VSX2: variants seen among roughly 807,000 people sequenced by gnomAD.
The protein encoded by VSX2 is visual system homeobox 2.
VSX2 carries 28 observed loss-of-function variants against 32.1 expected under a neutral mutation model. The ratio of observed to expected loss-of-function variants is 0.87; its 90% CI spans 0.65 to 1.20. The LOEUF (loss-of-function observed/expected upper bound fraction) is 1.20. Ranked by LOEUF, VSX2 falls within the 50% of genes most tolerant of loss-of-function variation. VSX2 has a pLI of 0.00. For missense variants in VSX2, 506 were observed against 488.7 expected (o/e 1.04, Z -0.33); for synonymous variants, 243 against 214.1 (o/e 1.14, Z -1.18).
chr14:74,248,334 T>TAAAAAAAAAAA lies in VSX2; in HGVS notation c.579+3053_579+3063dup, dbSNP rs781035795. 1.4e-3 allele frequency among the ~76,000 whole-genome samples: 114 copies of TAAAAAAAAAAA among 84,210 alleles called. 2 individuals are homozygous for TAAAAAAAAAAA. The highest frequency in any genetic ancestry group is 8.3e-3 in the Middle Eastern group (1 of 120). The allele number at this position is 84,210 out of a possible 152,430, so 55.2% of individuals were successfully genotyped here. On this transcript the variant is annotated intron_variant, in intron 3 of 4. Transcript: ENST00000261980. The stretch of plus-strand genomic sequence containing the variant: ...TGAGCCCAGCAGTTTGAGACCAGGC[T>TAAAAAAAAAAA]AAAAAAAAAAAAAAAAACAAAAAAA...
Position 74,241,187 on chromosome 14 carries a change from G to C in VSX2, c.376G>C (p.Glu126Gln). ...DTSQTASSDSEDVSSSDRKMS... is the reference protein window; with the variant it reads ...DTSQTASSDSQDVSSSDRKMS... The stretch of plus-strand genomic sequence containing the variant: ...TCCCTACGCCCGCTTTTCAGATTCT[G>C]AAGATGTTTCCTCCAGCGATCGAAA... Residue 126 changes from glutamate to glutamine, a missense_variant, in exon 2 of 5, where the codon GAA (glutamate) becomes CAA (glutamine). Coordinates refer to ENST00000261980, the MANE Select transcript of VSX2 (RefSeq NM_182894.3). 6.2e-7 allele frequency: 1 copy of C among 1,613,322 alleles called. No homozygotes were observed. The highest frequency in any genetic ancestry group is 8.5e-7 in the Non-Finnish European group (1 of 1,179,988).
chr14:74,245,451 G>A (rs1040505692), intron 3 of VSX2, among the ~76,000 whole-genome samples, 163 bp downstream of exon 3: 1 of 151,936 alleles, frequency 6.6e-6, no homozygotes, highest in African/African-American at 2.4e-5. Context: ...CCTGCCACAT[G>A]AGGTGGGTGC....
chr14:74,242,162 G>A (rs1279048055), intron 2 of VSX2, among the ~76,000 whole-genome samples: 1 of 147,588 alleles, frequency 6.8e-6, no homozygotes, highest in Non-Finnish European at 1.5e-5. Context: ...CCAAAAATCT[G>A]CCTGCCTTTC....
At chr14:74,242,744 T>G (rs1445217757) in intron 2 of VSX2, among the ~76,000 whole-genome samples, 6 of 152,006 alleles carry the variant, frequency 3.9e-5, no homozygotes, top group African/African-American at 1.4e-4. Context: ...ACAGGGACCT[T>G]GCAGGGAGGG....
At position 74,259,802 on chromosome 14, in the gene VSX2, T is replaced by C. The variant is rs202227309; in HGVS notation, c.760+20T>C. On this transcript the variant is annotated intron_variant, in intron 4 of 4. Coordinates refer to ENST00000261980, the MANE Select transcript of VSX2 (RefSeq NM_182894.3). Reference sequence around the variant, plus strand: ...TACTGGGTAAGAGCCCGCACCCTCCTTGGGGTCCTGCCCTGCGGTGAGGAG... The same window carrying C: ...TACTGGGTAAGAGCCCGCACCCTCCCTGGGGTCCTGCCCTGCGGTGAGGAG... 1.4e-6 allele frequency: 2 copies of C among 1,463,482 alleles called. No homozygotes were observed. Among genetic ancestry groups the C allele is most frequent in the East Asian group, 2.5e-5 (1 of 39,814 alleles). The allele number at this position is 1,463,482 out of a possible 1,614,324, so 90.7% of individuals were successfully genotyped here.
At chr14:74,257,609 C>T (rs1273538092) in intron 3 of VSX2, among the ~76,000 whole-genome samples, 1 of 114 alleles carries the variant, frequency 8.8e-3, no homozygotes, top group African/African-American at 0.023. Flanking sequence ...AGCGCCCCTG[C>T]CGGGGATTGG....
chr14:74,239,815 C>T lies in VSX2; in HGVS notation c.254C>T (p.Pro85Leu). Residue 85 changes from proline (P) to leucine (L), a missense_variant, in exon 1 of 5, where the codon CCT becomes CTT. By Grantham distance (98) the Pro-to-Leu change is moderately conservative. Coordinates refer to ENST00000261980, the MANE Select transcript of VSX2 (RefSeq NM_182894.3). ...GGGCTTCTGGGGCCCGGGGGGCTCC[C>T]TGGCTTCTACACGCAGCCCACCTTC... ...GMGLLGPGGL[P>L]GFYTQPTFLE... 6.4e-7 allele frequency: 1 copy of T among 1,572,630 alleles called. No homozygotes were observed. Among genetic ancestry groups the T allele is most frequent in the African/African-American group, 1.3e-5 (1 of 74,402 alleles).
intron 2 of VSX2, 100 bp from the exon 3 acceptor site, chr14:74,245,065 G>C: frequency 6.5e-7 from 1 of 1,535,638 alleles, no homozygotes; most frequent in Admixed American, 1.8e-5. Context: ...GCCTGGGTTC[G>C]GGGCCTGCCC....
rs191560338 is a variant in VSX2, at chr14:74,241,334, G to T, written c.455+68G>T. The stretch of plus-strand genomic sequence containing the variant: ...CGCTGCCGTCCCCCGTTCCGGGATC[G>T]GGTCTCTCGGACCCTATTTTCGCCG... On this transcript the variant is annotated intron_variant, in intron 2 of 4. Transcript: ENST00000261980. 146 of 1,522,542 alleles carry T rather than the reference G, an allele frequency of 9.6e-5. No homozygotes were observed. In the Middle Eastern group the frequency reaches 2.1e-3, roughly 22 times the overall value. 94.3% of individuals were successfully genotyped at this position (1,522,542 alleles called of 1,614,324 possible).
At chr14:74,254,608 G>A (rs2079250428) in intron 3 of VSX2, among the ~76,000 whole-genome samples, 1 of 152,122 alleles carries the variant, frequency 6.6e-6, no homozygotes, top group Admixed American at 6.5e-5. Context: ...AAGGGCATGT[G>A]AAGGAGGCCA....
At chr14:74,240,705 G>A (rs1488111177) in intron 1 of VSX2, among the ~76,000 whole-genome samples, 1 of 152,336 alleles carries the variant, frequency 6.6e-6, no homozygotes, top group East Asian at 1.9e-4. Flanking sequence ...CGGGCCTCGA[G>A]TAGGGACGCA....
intron 3 of VSX2, among the ~76,000 whole-genome samples, chr14:74,256,669 CT>C (rs34012116): frequency 0.37 from 34,718 of 92,796 alleles, 5,552 homozygotes; most frequent in East Asian, 0.7. Flanking sequence ...GGGAGTCATA[CT>C]TTTTTTTTTT....
At position 74,239,759 on chromosome 14, in the gene VSX2, A is replaced by G. The variant is rs1451013793; in HGVS notation, c.198A>G (p.Ser66=). 6.4e-7 allele frequency: 1 copy of G among 1,552,492 alleles called. No individual in the cohort carries two copies. The highest frequency in any genetic ancestry group is 1.2e-5 in the South Asian group (1 of 84,262). Reference sequence around the variant, plus strand: ...CCGGGCACTTGCTGGCGGCGCGCTCAGTGCTCAGCCCCGCGGGGGTGGGCG... The same window carrying G: ...CCGGGCACTTGCTGGCGGCGCGCTCGGTGCTCAGCCCCGCGGGGGTGGGCG... The part of the protein sequence containing the change: ...LAPGHLLAAR[S]VLSPAGVGGM... The change falls in exon 1 of 5, where the codon TCA becomes TCG. Residue 66 remains serine, a synonymous_variant. Transcript: ENST00000261980.
intron 3 of VSX2, among the ~76,000 whole-genome samples, chr14:74,255,610 TCA>T (rs1008433091): frequency 6.6e-6 from 1 of 152,148 alleles, no homozygotes; most frequent in African/African-American, 2.4e-5. Context: ...CCAGAGATGA[TCA>T]GAATCCCGAG....
chr14:74,240,034 T>C (rs1209234145), intron 1 of VSX2, 103 bp downstream of exon 1: 12 of 1,455,630 alleles, frequency 8.2e-6, no homozygotes, highest in Non-Finnish European at 9.2e-6. Context: ...GGCGGAAAAG[T>C]TCCTGCCAGG....
At chr14:74,260,205 C>G (rs928146277) in intron 4 of VSX2, among the ~76,000 whole-genome samples, 2 of 152,242 alleles carry the variant, frequency 1.3e-5, no homozygotes, top group Non-Finnish European at 2.9e-5. Context: ...CCAAATCTCT[C>G]TACTTGCTAT....
At position 74,260,912 on chromosome 14, in the gene VSX2, T is replaced by C. The variant is rs1480530028; in HGVS notation, c.1079T>C (p.Met360Thr). The C allele has an allele frequency of 6.4e-6, 10 of 1,558,008 alleles. No homozygotes were observed. The East Asian group carries it at 1.7e-4, about 26-fold the overall frequency. ...CTCAGTCCACCGCAGCTGGAGGACATGGCTTAGGTCAAGGCGCGCTCAGAT... is the reference window on the plus strand; with the variant it reads ...CTCAGTCCACCGCAGCTGGAGGACACGGCTTAGGTCAAGGCGCGCTCAGAT... ...ERLSPPQLEDMA is the reference protein window; with the variant it reads ...ERLSPPQLEDTA The change falls in exon 5 of 5, where the codon ATG (methionine) becomes ACG (threonine). Residue 360 changes from methionine (M) to threonine (T), a missense_variant. By Grantham distance (81) the Met-to-Thr change is moderately conservative. Coordinates refer to ENST00000261980, the MANE Select transcript of VSX2 (RefSeq NM_182894.3).
At chr14:74,244,466 T>A (rs2079171035) in intron 2 of VSX2, among the ~76,000 whole-genome samples, 1 of 151,024 alleles carries the variant, frequency 6.6e-6, no homozygotes, top group Non-Finnish European at 1.5e-5. Context: ...GAGGAAGGGG[T>A]GCTGGGGGGA....
At chr14:74,242,169 TTTC>T (rs1293166417) in intron 2 of VSX2, among the ~76,000 whole-genome samples, 1 of 150,458 alleles carries the variant, frequency 6.6e-6, no homozygotes, top group Non-Finnish European at 1.5e-5. Context: ...TCTGCCTGCC[TTTC>T]TGCGGGTGCT....
Sources: allele counts gnomAD v4.1 joint callset (sites outside exome capture counted in the v4.1 genomes callset), GRCh38; gene constraint gnomAD v4.1.1; transcripts MANE v1.5; gene names NCBI Gene and HGNC (gene_info 2026-07-23, HGNC 2026-07-21).